Variants in FLNB observed in about 807,000 individuals in gnomAD.
FLNB encodes the protein filamin B.
A neutral mutation model predicts 250.6 loss-of-function variants in FLNB; 111 were observed. That is an observed-to-expected ratio of 0.44 (90% confidence interval 0.38 to 0.52). FLNB has a LOEUF of 0.52. FLNB is among the 20% of genes least tolerant of loss of function. The probability of loss-of-function intolerance (pLI) is 0.00; values close to 1 mark genes in which losing one functional copy is unlikely to be tolerated. For missense variants in FLNB, 2,869 were observed against 3,447.8 expected (o/e 0.83, Z 4.20); for synonymous variants, 1,302 against 1,372.1 (o/e 0.95, Z 1.13).
chr3:58,146,877 A>G lies in FLNB; in HGVS notation c.5612A>G (p.Asn1871Ser), dbSNP rs757006263. ...PSKAEISCID[N>S]KDGTCTVTYL... ...AAAGCAGAAATCAGCTGCATTGACAATAAAGATGGGACATGCACAGTGACC... is the reference window on the plus strand; with the variant it reads ...AAAGCAGAAATCAGCTGCATTGACAGTAAAGATGGGACATGCACAGTGACC... Residue 1871 changes from asparagine (N) to serine (S), a missense_variant, in exon 34 of 46, where the codon AAT becomes AGT. This residue lies in a region of FLNB where 1,084 missense variants were observed against 1,315.5 expected (regional missense o/e 0.82). Coordinates refer to ENST00000295956, the MANE Select transcript of FLNB (RefSeq NM_001457.4). 11 of 1,614,086 alleles carry G rather than the reference A, an allele frequency of 6.8e-6. No individual in the cohort carries two copies. In the Admixed American group the frequency reaches 1.7e-4, roughly 24 times the overall value.
rs558522502 is a variant in FLNB at position 58,073,690 on chromosome 3, C to T, written c.293-3356C>T. Among the ~76,000 whole-genome samples, 7 of 152,170 alleles carry T rather than the reference C, an allele frequency of 4.6e-5. No homozygotes were observed. The East Asian group carries it at 1.2e-3, about 25-fold the overall frequency. Reference sequence around the variant, plus strand: ...TGGCTTAAGACCAGGTCCTCTGCTCCGGGTCTCACGAGACTACAAGGAAGG... The same window carrying T: ...TGGCTTAAGACCAGGTCCTCTGCTCTGGGTCTCACGAGACTACAAGGAAGG... On this transcript the variant is annotated intron_variant, in intron 1 of 45. Coordinates refer to ENST00000295956, the MANE Select transcript of FLNB (RefSeq NM_001457.4).
rs916414970 is a variant in FLNB, at chr3:58,142,128, G to A, written c.5181+199G>A. ...CTTTGCGTCACCATCCGTGCTCCAC[G>A]AATCGCCAGCCGTCGTGTCTGTGAT... On this transcript the variant is annotated intron_variant, in intron 30 of 45. Transcript: ENST00000295956. The surrounding 1 kb of genome is among the most constrained non-coding windows in gnomAD (Gnocchi z 4.3). Among the ~76,000 whole-genome samples, 3 of 152,134 alleles carry A rather than the reference G, an allele frequency of 2.0e-5. No individual in the cohort carries two copies. Among genetic ancestry groups the A allele is most frequent in the African/African-American group, 4.8e-5 (2 of 41,422 alleles).
chr3:58,098,613 A>C (rs756757701), intron 7 of FLNB, 98 bp from the exon 8 acceptor site: 186 of 1,166,024 alleles, frequency 1.6e-4, no homozygotes, highest in Non-Finnish European at 2.3e-4. Context: ...GATTACAAGC[A>C]TGAGCCACCA....
chr3:58,111,788 C>T lies in FLNB; in HGVS notation c.2485-3C>T. On this transcript the variant is annotated splice_polypyrimidine_tract_variant and splice_region_variant and intron_variant, in intron 16 of 45. Transcript: ENST00000295956. ...TCCTACTAAGACTGTGTCTCTGCTA[C>T]AGGAAATCCCCGCCAGCCCTTTCAG... 6.2e-7 allele frequency: 1 copy of T among 1,612,160 alleles called. No individual in the cohort carries two copies. Among genetic ancestry groups the T allele is most frequent in the Non-Finnish European group, 8.5e-7 (1 of 1,178,192 alleles).
chr3:58,097,275 GTAAT>G (rs879597098), intron 6 of FLNB, among the ~76,000 whole-genome samples: 11 of 152,106 alleles, frequency 7.2e-5, no homozygotes, highest in Non-Finnish European at 1.2e-4. Context: ...CATTTATAAT[GTAAT>G]TAATTAATTC....
At chr3:58,134,260 T>C (rs1417740646) in intron 26 of FLNB, among the ~76,000 whole-genome samples, 1 of 152,160 alleles carries the variant, frequency 6.6e-6, no homozygotes, top group African/African-American at 2.4e-5. Flanking sequence ...AGGATCTAGA[T>C]TGCACACTCC....
At position 58,043,363 on chromosome 3, in the gene FLNB, CT is replaced by C. The variant is rs1431798685; in HGVS notation, c.293-33679del. Among the ~76,000 whole-genome samples, 6 of 151,982 alleles carry C rather than the reference CT, an allele frequency of 3.9e-5. No individual in the cohort carries two copies. The East Asian group carries it at 1.2e-3, about 29-fold the overall frequency. On this transcript the variant is annotated intron_variant, in intron 1 of 45. Transcript: ENST00000295956. ...TTGACCAGGCTGGTAATTTGGCATT[CT>C]TTTGAGTACAAGTGAGAGAAACTCA...
Position 58,008,508 on chromosome 3 carries a change from C to T in FLNB, c.-57C>T. 1 of 1,542,532 alleles carries T rather than the reference C, an allele frequency of 6.5e-7. No homozygotes were observed. The highest frequency in any genetic ancestry group is 8.8e-7 in the Non-Finnish European group (1 of 1,140,016). ...GGTTCTCGCTCCTTCGGCCCTTGGG[C>T]CTCCAAACACCAGTCCCCGGCAGCT... On this transcript the variant is annotated 5_prime_UTR_variant, in exon 1 of 46. Coordinates refer to ENST00000295956, the MANE Select transcript of FLNB (RefSeq NM_001457.4).
intron 42 of FLNB, among the ~76,000 whole-genome samples, chr3:58,160,526 G>A (rs1365641068): frequency 6.6e-6 from 1 of 152,200 alleles, no homozygotes. Context: ...GAAGCAAATG[G>A]TAAAGATGGT....
intron 1 of FLNB, among the ~76,000 whole-genome samples, chr3:58,027,891 A>G (rs1369099864): frequency 6.6e-6 from 1 of 152,130 alleles, no homozygotes; most frequent in African/African-American, 2.4e-5. Context: ...CCATAAATAA[A>G]CCCCAAACAG....
At chr3:58,143,029 A>T (rs1037597278) in intron 31 of FLNB, among the ~76,000 whole-genome samples, 29 of 152,214 alleles carry the variant, frequency 1.9e-4, no homozygotes, top group Admixed American at 1.9e-3. Context: ...TAGATACCTC[A>T]TGACTGTCGG....
At chr3:58,014,963 G>A (rs1000320324) in intron 1 of FLNB, among the ~76,000 whole-genome samples, 4 of 152,096 alleles carry the variant, frequency 2.6e-5, no homozygotes, top group Non-Finnish European at 4.4e-5. Context: ...TCCCAACCTC[G>A]TGATCCACCT....
rs59689498 is a variant in FLNB, at chr3:58,069,232, CTTTTTTT to C, written c.293-7797_293-7791del. Among the ~76,000 whole-genome samples, 10 of 86,366 alleles carry C rather than the reference CTTTTTTT, an allele frequency of 1.2e-4. No individual in the cohort carries two copies. The East Asian group carries it at 1.7e-3, about 15-fold the overall frequency. 56.7% of individuals were successfully genotyped at this position (86,366 alleles called of 152,430 possible). On this transcript the variant is annotated intron_variant, in intron 1 of 45. Transcript: ENST00000295956. The stretch of plus-strand genomic sequence containing the variant: ...CTGATAAAATATCAGTAGTTCAATT[CTTTTTTT>C]TTTTTTTTTTTTTTTTCTGAGATGG...
At chr3:58,092,385 T>G (rs750403162) in intron 4 of FLNB, among the ~76,000 whole-genome samples, 5 of 152,216 alleles carry the variant, frequency 3.3e-5, no homozygotes, top group Non-Finnish European at 5.9e-5. Context: ...GACTCCCTTC[T>G]GTAATCCCAG....
At position 58,136,031 on chromosome 3, in the gene FLNB, C is replaced by T. The variant is rs776237096; in HGVS notation, c.4724C>T (p.Thr1575Met). Residue 1575 changes from threonine to methionine, a missense_variant, in exon 28 of 46, where the codon ACG (threonine) becomes ATG (methionine). By Grantham distance (81) the Thr-to-Met change is moderately conservative. Transcript: ENST00000295956. ...RAIVHDNKDG[T>M]YAVTYIPDKT... ...ATTGTCCATGACAATAAAGATGGCA[C>T]GTATGCTGTCACCTACATCCCCGAC... The T allele has an allele frequency of 1.4e-5, 22 of 1,614,062 alleles. No homozygotes were observed. Among genetic ancestry groups the T allele is most frequent in the East Asian group, 4.5e-5 (2 of 44,902 alleles).
At chr3:58,148,622 C>T in intron 35 of FLNB, 27 bp from the exon 36 acceptor site, 12 of 1,596,872 alleles carry the variant, frequency 7.5e-6, no homozygotes, top group Non-Finnish European at 9.4e-6. Context: ...CATCCCCTTA[C>T]AAGCCCCAAT....
At chr3:58,138,668 T>A in intron 29 of FLNB, 139 bp downstream of exon 29, 1 of 1,020,860 alleles carries the variant, frequency 9.8e-7, no homozygotes, top group Non-Finnish European at 1.5e-6. Flanking sequence ...CATGACCTTG[T>A]AGAGTCCCAG....
chr3:58,059,626 C>T (rs184182090), intron 1 of FLNB, among the ~76,000 whole-genome samples: 1 of 152,280 alleles, frequency 6.6e-6, no homozygotes, highest in African/African-American at 2.4e-5. Context: ...GTGTTTCTTG[C>T]CTGGCCTGCC....
intron 28 of FLNB, among the ~76,000 whole-genome samples, chr3:58,137,401 C>G (rs565610754): frequency 6.6e-6 from 1 of 152,374 alleles, no homozygotes; most frequent in South Asian, 2.1e-4. Context: ...CCTTGCCTTG[C>G]AGGCCCTATT....
Sources: gnomAD v4.1 joint callset for allele counts (sites outside exome capture counted in the v4.1 genomes callset) on GRCh38, gnomAD v4.1.1 for gene constraint, gnomAD v4.1.1 regional missense constraint, Gnocchi (gnomAD v3.1) non-coding constraint, MANE v1.5 for transcripts, NCBI Gene and HGNC (gene_info 2026-07-23, HGNC 2026-07-21) for gene names.